The following MSRA variants were observed in gnomAD, a reference collection of about 807,000 sequenced individuals.
The protein encoded by MSRA is mitochondrial peptide methionine sulfoxide reductase.
A neutral mutation model predicts 31.3 loss-of-function variants in MSRA; 54 were observed. The observed-to-expected ratio is 1.73, with a 90% CI of 1.39 to 2.17. The LOEUF (loss-of-function observed/expected upper bound fraction) is 2.17. MSRA is among the 30% of genes most tolerant of loss of function. The pLI, the probability that MSRA is intolerant of heterozygous loss-of-function variation, is 0.00. For synonymous variants in MSRA, 169 were observed against 116.5 expected (o/e 1.45, Z -2.90); for missense variants, 507 against 300.9 (o/e 1.69, Z -5.07).
chr8:10,294,341 A>G (rs1800413416), intron 3 of MSRA, among the ~76,000 whole-genome samples: 1 of 152,230 alleles, frequency 6.6e-6, no homozygotes, highest in Admixed American at 6.5e-5. Flanking sequence ...AAGAAAGGTG[A>G]TACCGGCTGA....
chr8:10,154,114 A>G (rs1803947229), intron 1 of MSRA, among the ~76,000 whole-genome samples: 1 of 152,182 alleles, frequency 6.6e-6, no homozygotes, highest in South Asian at 2.1e-4. Context: ...TATAGATTGT[A>G]TATTTGTTGA....
At chr8:10,233,910 A>G (rs1811709805) in intron 2 of MSRA, among the ~76,000 whole-genome samples, 1 of 152,196 alleles carries the variant, frequency 6.6e-6, no homozygotes, top group South Asian at 2.1e-4. Flanking sequence ...AAGAATAATG[A>G]AAAAATATTA....
chr8:10,124,369 T>C (rs1360753614), intron 1 of MSRA, among the ~76,000 whole-genome samples: 1 of 152,188 alleles, frequency 6.6e-6, no homozygotes, highest in Non-Finnish European at 1.5e-5. Flanking sequence ...ATGGTGGTTT[T>C]CCCCTGTATG....
chr8:10,428,526 C>G lies in MSRA; in HGVS notation c.*214C>G, dbSNP rs1245111799. ...CTAATAAGTTATGGTGGGAGTGGAGCTGTGCAGTTTCCTGTGTCTTCTGGG... is the reference window on the plus strand; with the variant it reads ...CTAATAAGTTATGGTGGGAGTGGAGGTGTGCAGTTTCCTGTGTCTTCTGGG... On this transcript the variant is annotated 3_prime_UTR_variant, in exon 6 of 6. Transcript: ENST00000317173. 1 of 548,196 alleles carries G rather than the reference C, an allele frequency of 1.8e-6. No individual in the cohort carries two copies. The highest frequency in any genetic ancestry group is 3.2e-6 in the Non-Finnish European group (1 of 313,140). The allele number at this position is 548,196 out of a possible 1,614,324, so 34.0% of individuals were successfully genotyped here. A position where few individuals can be genotyped will look rare whatever the true frequency, so the allele number is the denominator to read the frequency against.
chr8:10,409,887 G>T (rs1272824425), intron 5 of MSRA, among the ~76,000 whole-genome samples: 2 of 152,146 alleles, frequency 1.3e-5, no homozygotes, highest in African/African-American at 4.8e-5. Flanking sequence ...CATAGACCCT[G>T]TCTCTACAGA....
intron 1 of MSRA, among the ~76,000 whole-genome samples, chr8:10,099,045 T>C (rs1010042750): frequency 2.0e-5 from 3 of 152,190 alleles, no homozygotes; most frequent in African/African-American, 7.2e-5. Context: ...GTGTGGTGTA[T>C]TTTAAATGGA....
chr8:10,152,968 G>C (rs1240727011), intron 1 of MSRA, among the ~76,000 whole-genome samples: 1 of 152,208 alleles, frequency 6.6e-6, no homozygotes, highest in African/African-American at 2.4e-5. Context: ...AATTCATAGA[G>C]ACAGAAGGTA....
chr8:10,343,319 A>G (rs931708488), intron 5 of MSRA, among the ~76,000 whole-genome samples: 34 of 152,204 alleles, frequency 2.2e-4, no homozygotes, highest in African/African-American at 5.1e-4. Flanking sequence ...TAATTAGTTT[A>G]CATGTCAGAC....
At chr8:10,092,409 A>T (rs1018713043) in intron 1 of MSRA, among the ~76,000 whole-genome samples, 28 of 152,198 alleles carry the variant, frequency 1.8e-4, no homozygotes, top group African/African-American at 6.3e-4. Context: ...CTGTAATCCC[A>T]GCAGTTTGGG....
chr8:10,246,213 G>C (rs1034738842), intron 3 of MSRA, among the ~76,000 whole-genome samples: 13 of 152,204 alleles, frequency 8.5e-5, no homozygotes, highest in South Asian at 6.2e-4. Flanking sequence ...CCAACTATGT[G>C]GTCTGCAAAG....
chr8:10,145,313 G>A (rs1039220341), intron 1 of MSRA, among the ~76,000 whole-genome samples: 1 of 152,134 alleles, frequency 6.6e-6, no homozygotes, highest in Non-Finnish European at 1.5e-5. Context: ...GAAAAGAAAG[G>A]CCAACTGATA....
rs1804996007 is a variant in MSRA at position 10,363,753 on chromosome 8, C to CACACACACACACACACACACAG, written c.543+43785_543+43786insGACACACACACACACACACACA. Among the ~76,000 whole-genome samples, 4 of 149,516 alleles carry CACACACACACACACACACACAG rather than the reference C, an allele frequency of 2.7e-5. No individual in the cohort carries two copies. In the South Asian group the frequency reaches 8.9e-4, roughly 33 times the overall value. The stretch of plus-strand genomic sequence containing the variant: ...GATGCAGTCACCACACACACACACA[C>CACACACACACACACACACACAG]ACACACACACACACACACACACACA... On this transcript the variant is annotated intron_variant, in intron 5 of 5. Transcript: ENST00000317173.
Position 10,300,317 on chromosome 8 carries a change from G to A in MSRA, c.332-1217G>A, listed in dbSNP as rs527611436. Reference sequence around the variant, plus strand: ...GTTGCCAAGGCTGGAGTGCAGTGGTGCGATCTCGGCTTACTGCAACCTCCA... The same window carrying A: ...GTTGCCAAGGCTGGAGTGCAGTGGTACGATCTCGGCTTACTGCAACCTCCA... On this transcript the variant is annotated intron_variant, in intron 3 of 5. Transcript: ENST00000317173. 6.6e-5 allele frequency among the ~76,000 whole-genome samples: 10 copies of A among 151,984 alleles called. No individual in the cohort carries two copies. The East Asian group carries it at 1.4e-3, about 21-fold the overall frequency.
At chr8:10,118,447 C>T (rs972969792) in intron 1 of MSRA, among the ~76,000 whole-genome samples, 2 of 152,106 alleles carry the variant, frequency 1.3e-5, no homozygotes, top group Non-Finnish European at 2.9e-5. Flanking sequence ...TTTATAACCT[C>T]CCTGAGGAAA....
chr8:10,154,906 T>C (rs905412165), intron 1 of MSRA, among the ~76,000 whole-genome samples: 1 of 151,278 alleles, frequency 6.6e-6, no homozygotes, highest in Non-Finnish European at 1.5e-5. Flanking sequence ...TTAATATTGA[T>C]TTACAGAAGC....
chr8:10,190,521 A>G (rs770304161), intron 1 of MSRA, among the ~76,000 whole-genome samples: 1 of 152,166 alleles, frequency 6.6e-6, no homozygotes, highest in Non-Finnish European at 1.5e-5. Context: ...CAAGCCCGCA[A>G]ACTTCTCAGC....
chr8:10,178,112 C>T (rs1306527371), intron 1 of MSRA, among the ~76,000 whole-genome samples: 1 of 152,138 alleles, frequency 6.6e-6, no homozygotes, highest in East Asian at 1.9e-4. Flanking sequence ...GTGATTATAT[C>T]AGAGCAAGAA....
chr8:10,069,529 G>C (rs1340906955), intron 1 of MSRA, among the ~76,000 whole-genome samples: 10 of 152,222 alleles, frequency 6.6e-5, no homozygotes, highest in Admixed American at 5.9e-4. Context: ...CAACATGTCA[G>C]CAAGTTCAGT....
intron 1 of MSRA, among the ~76,000 whole-genome samples, chr8:10,073,475 T>A (rs981402962): frequency 6.6e-6 from 1 of 152,174 alleles, no homozygotes; most frequent in African/African-American, 2.4e-5. Context: ...ACCTAAAATA[T>A]TTATTATCTG....
Sources: gnomAD v4.1 joint callset for allele counts (sites outside exome capture counted in the v4.1 genomes callset) on GRCh38, gnomAD v4.1.1 for gene constraint, MANE v1.5 for transcripts, NCBI Gene and HGNC (gene_info 2026-07-23, HGNC 2026-07-21) for gene names.